Variants in CAPN10 observed in about 807,000 individuals in gnomAD.
CAPN10 encodes calpain 10.
CAPN10 carries 71 observed loss-of-function variants against 78.4 expected under a neutral mutation model. The observed-to-expected ratio is 0.91, with a 90% confidence interval of 0.75 to 1.10. CAPN10 has a LOEUF of 1.10. CAPN10 is among the 50% of genes least tolerant of loss of function. The pLI is 0.00. For synonymous variants in CAPN10, 437 were observed against 407.2 expected (o/e 1.07, Z -0.88); for missense variants, 849 against 924.6 (o/e 0.92, Z 1.06).
At position 240,598,101 on chromosome 2, in the gene CAPN10, A is replaced by T. The variant is rs2093148953; in HGVS notation, c.1943+14A>T. ...CAGGATTGACAGGTGGGGCTCTGGG[A>T]CTTGGGGGCGGCCAGCTGGAGGCTG... On this transcript the variant is annotated intron_variant, in intron 10 of 11. Coordinates refer to ENST00000391984, the MANE Select transcript of CAPN10 (RefSeq NM_023083.4). 5.6e-6 allele frequency: 9 copies of T among 1,597,090 alleles called. No individual in the cohort carries two copies. Among genetic ancestry groups the T allele is most frequent in the Non-Finnish European group, 6.8e-6 (8 of 1,168,450 alleles).
At position 240,598,405 on chromosome 2, in the gene CAPN10, T is replaced by C. The variant is rs2093151238; in HGVS notation, c.1989+8T>C. ...GGCCAGTTCCTCCAAGAGGTGTGTA[T>C]GCAGCCCCGCCAGCCCGGCTCACCT... On this transcript the variant is annotated splice_region_variant and intron_variant, in intron 11 of 11. Coordinates refer to ENST00000391984, the MANE Select transcript of CAPN10 (RefSeq NM_023083.4). 1 of 1,613,478 alleles carries C rather than the reference T, an allele frequency of 6.2e-7. No individual in the cohort carries two copies. The highest frequency in any genetic ancestry group is 1.7e-5 in the Admixed American group (1 of 60,008).
chr2:240,594,609 G>A lies in CAPN10; in HGVS notation c.897G>A (p.Gly299=), dbSNP rs2093124128. The A allele has an allele frequency of 6.2e-7, 1 of 1,613,906 alleles. No individual in the cohort carries two copies. Among genetic ancestry groups the A allele is most frequent in the African/African-American group, 1.3e-5 (1 of 74,930 alleles). Residue 299 remains glycine, a synonymous_variant, in exon 6 of 12, where the codon GGG becomes GGA. Coordinates refer to ENST00000391984, the MANE Select transcript of CAPN10 (RefSeq NM_023083.4). ...ASELLSQLQE[G]EFWVEEEEFL... ...AGCTCCTGTCCCAGCTCCAGGAAGG[G>A]GAGTTCTGGGTGGAGGAGGAGGAGT...
chr2:240,589,539 G>T, intron 2 of CAPN10, 65 bp downstream of exon 2: 1 of 1,536,066 alleles, frequency 6.5e-7, no homozygotes, highest in South Asian at 1.3e-5. Flanking sequence ...CCAGCCTGCT[G>T]AGTACCAGGA....
chr2:240,596,641 A>G, intron 8 of CAPN10, 40 bp from the exon 9 acceptor site: 1 of 1,529,006 alleles, frequency 6.5e-7, no homozygotes, highest in Non-Finnish European at 8.8e-7. Flanking sequence ...GCCACCGGGA[A>G]CCTGCTGCCA....
intron 5 of CAPN10, chr2:240,594,277 C>T (rs1009034952): frequency 5.2e-6 from 3 of 577,488 alleles, no homozygotes; most frequent in Non-Finnish European, 9.0e-6. Flanking sequence ...GACATCATCA[C>T]GGGCTCGGGC....
chr2:240,594,822 A>C (rs973925837), intron 6 of CAPN10, 113 bp downstream of exon 6: 6 of 579,334 alleles, frequency 1.0e-5, no homozygotes, highest in Admixed American at 5.7e-5. Context: ...TTCAGCGTGG[A>C]GAGATGATTC....
At position 240,598,686 on chromosome 2, in the gene CAPN10, T is replaced by G. The variant is rs907938720; in HGVS notation, c.*6T>G. On this transcript the variant is annotated 3_prime_UTR_variant, in exon 12 of 12. Coordinates refer to ENST00000391984, the MANE Select transcript of CAPN10 (RefSeq NM_023083.4). ...TGGCAGTGATGAAAACCTAACAGGG[T>G]GGCCCCCTGTGCCAGCTCAGGTGAC... is the stretch of plus-strand genomic sequence containing the variant. The G allele has an allele frequency of 2.5e-6, 4 of 1,571,980 alleles. No homozygotes were observed. The African/African-American group carries it at 5.4e-5, about 21-fold the overall frequency.
Position 240,595,332 on chromosome 2 carries a change from C to T in CAPN10, c.1278+28C>T, listed in dbSNP as rs199937521. 119 of 1,605,942 alleles carry T rather than the reference C, an allele frequency of 7.4e-5. 1 individual carries two copies. The South Asian group carries it at 1.1e-3, about 15-fold the overall frequency. On this transcript the variant is annotated intron_variant, in intron 7 of 11. Coordinates refer to ENST00000391984, the MANE Select transcript of CAPN10 (RefSeq NM_023083.4). ...AACTCAGCCCCGTCTGGCTCACGCTCGGTTCAGCAGGTGGTGTGGAGGCCC... is the reference window on the plus strand; with the variant it reads ...AACTCAGCCCCGTCTGGCTCACGCTTGGTTCAGCAGGTGGTGTGGAGGCCC...
intron 7 of CAPN10, chr2:240,595,879 G>A: frequency 1.6e-6 from 2 of 1,225,870 alleles, no homozygotes; most frequent in South Asian, 1.3e-5. Context: ...TGTGGGTCGA[G>A]GATATGCCGG....
Position 240,595,094 on chromosome 2 carries a change from G to GA in CAPN10, c.1070dup (p.Asn357LysfsTer20), listed in dbSNP as rs1182803771. The GA allele has an allele frequency of 8.1e-6, 13 of 1,613,842 alleles. No individual in the cohort carries two copies. Among genetic ancestry groups the GA allele is most frequent in the Non-Finnish European group, 7.6e-6 (9 of 1,180,028 alleles). ...AGGGCCAGTCAGCAGGAGGCTGCCG[G>GA]AACAACAGCGGCTTTCCCAGCAACC... On this transcript the variant is annotated frameshift_variant, in exon 7 of 12. Coordinates refer to ENST00000391984, the MANE Select transcript of CAPN10 (RefSeq NM_023083.4). LOFTEE classifies it high-confidence loss of function.
intron 7 of CAPN10, 123 bp downstream of exon 7, chr2:240,595,427 C>G: frequency 9.3e-7 from 1 of 1,078,820 alleles, no homozygotes; most frequent in Non-Finnish European, 1.3e-6. Flanking sequence ...CCACCAGTCT[C>G]CCCCCTCCTT....
chr2:240,596,221 C>T, intron 7 of CAPN10, 98 bp from the exon 8 acceptor site: 1 of 1,483,176 alleles, frequency 6.7e-7, no homozygotes. Context: ...TTTCATCTGT[C>T]AACTCCAGAG....
intron 11 of CAPN10, 55 bp from the exon 12 acceptor site, chr2:240,598,596 G>C: frequency 1.3e-6 from 2 of 1,544,308 alleles, no homozygotes; most frequent in Non-Finnish European, 1.8e-6. Flanking sequence ...CTCGGGGTGG[G>C]GTGTGAGAAG....
chr2:240,590,784 C>T (rs1280112735), intron 2 of CAPN10, 31 bp from the exon 3 acceptor site: 3 of 1,606,964 alleles, frequency 1.9e-6, no homozygotes, highest in East Asian at 4.5e-5. Context: ...TTATATCACG[C>T]TCGCCTTTTG....
At chr2:240,592,414 ACT>A in intron 4 of CAPN10, 1 of 692,860 alleles carries the variant, frequency 1.4e-6, no homozygotes, top group Non-Finnish European at 2.7e-6. Context: ...GTCAAAGCCC[ACT>A]GTCTGTGCCA....
intron 3 of CAPN10, chr2:240,591,358 T>G: frequency 3.7e-6 from 1 of 273,240 alleles, no homozygotes; most frequent in Non-Finnish European, 7.0e-6. Context: ...AGACTCATTG[T>G]GTAGTCGTTG....
chr2:240,595,832 A>G, intron 7 of CAPN10: 3 of 762,076 alleles, frequency 3.9e-6, no homozygotes, highest in Non-Finnish European at 6.1e-6. Flanking sequence ...GTTTCCAGGA[A>G]GAACAGATGG....
At chr2:240,596,185 T>C in intron 7 of CAPN10, 134 bp from the exon 8 acceptor site, 2 of 1,479,968 alleles carry the variant, frequency 1.4e-6, no homozygotes, top group Non-Finnish European at 1.8e-6. Context: ...TGAGAGAGGG[T>C]GGAGGGTGCT....
intron 10 of CAPN10, 106 bp downstream of exon 10, chr2:240,598,193 CT>C (rs1422605423): frequency 9.8e-5 from 131 of 1,334,304 alleles, no homozygotes; most frequent in Non-Finnish European, 3.5e-5. Context: ...CCTCAAGCCC[CT>C]ATCTGTCCTG....
Sources: gnomAD v4.1 joint callset for allele counts on GRCh38, gnomAD v4.1.1 for gene constraint, MANE v1.5 for transcripts, NCBI Gene and HGNC (gene_info 2026-07-23, HGNC 2026-07-21) for gene names.